Variants in ZC3H6 observed in about 807,000 individuals in gnomAD.
ZC3H6 encodes zinc finger CCCH-type containing 6.
ZC3H6 carries 40 observed loss-of-function variants against 107.7 expected under a neutral mutation model. The ratio of observed to expected loss-of-function variants is 0.37; its 90% CI spans 0.29 to 0.48. The LOEUF (loss-of-function observed/expected upper bound fraction) is 0.48. Ranked by LOEUF, ZC3H6 falls within the 20% of genes least tolerant of loss-of-function variation. The probability of loss-of-function intolerance (pLI) is 0.98; values close to 1 mark genes in which losing one functional copy is unlikely to be tolerated. For missense variants in ZC3H6, 1,267 were observed against 1,410.4 expected, an observed-to-expected ratio of 0.90 and a Z score of 1.63; for synonymous variants, 493 against 487.9, an observed-to-expected ratio of 1.01 and a Z score of -0.14.
At position 112,324,548 on chromosome 2, in the gene ZC3H6, T is replaced by C. The variant is rs1676870107; in HGVS notation, c.1737T>C (p.Pro579=). ...CAGGTTCATCATACCAGCAAAGTCC[T>C]GGTGAAATGCAGCTCAACACCAATT... ...CSPGSSYQQS[P]GEMQLNTNYE... is the part of the protein sequence containing the mutation. Residue 579 remains proline, a synonymous_variant, in exon 10 of 12, where the codon CCT becomes CCC. Coordinates refer to ENST00000409871, the MANE Select transcript of ZC3H6 (RefSeq NM_198581.3). The C allele has an allele frequency of 1.9e-6, 3 of 1,612,452 alleles. No individual in the cohort carries two copies. The African/African-American group carries it at 4.0e-5, about 22-fold the overall frequency.
chr2:112,332,362 A>G lies in ZC3H6; in HGVS notation c.3444A>G (p.Pro1148=). The part of the protein sequence containing the change: ...TGLIRPQYSD[P]RQARQPGQGS... The stretch of plus-strand genomic sequence containing the variant: ...TAATTAGGCCACAGTACAGTGATCC[A>G]AGGCAGGCAAGGCAGCCAGGACAGG... Residue 1148 remains proline (P), a synonymous_variant, in exon 12 of 12, where the codon CCA becomes CCG. Coordinates refer to ENST00000409871, the MANE Select transcript of ZC3H6 (RefSeq NM_198581.3). 1.2e-6 allele frequency: 2 copies of G among 1,613,908 alleles called. No individual in the cohort carries two copies. Among genetic ancestry groups the G allele is most frequent in the Non-Finnish European group, 8.5e-7 (1 of 1,179,882 alleles).
intron 9 of ZC3H6, among the ~76,000 whole-genome samples, chr2:112,323,291 CTGGAT>C (rs1481434189): frequency 6.6e-6 from 1 of 152,160 alleles, no homozygotes; most frequent in Non-Finnish European, 1.5e-5. Context: ...CGGAAGACCT[CTGGAT>C]CCAGATTTTC....
rs775930087 is a variant in ZC3H6 at position 112,311,881 on chromosome 2, G to C, written c.691G>C (p.Gly231Arg). 2 of 1,613,494 alleles carry C rather than the reference G, an allele frequency of 1.2e-6. No homozygotes were observed. The highest frequency in any genetic ancestry group is 1.7e-5 in the Admixed American group (1 of 59,998). ...GAAGAAAATCAAACGAAAAGAACGTGGGGGAAGAACCAATAAAGGGCCTAA... is the reference window on the plus strand; with the variant it reads ...GAAGAAAATCAAACGAAAAGAACGTCGGGGAAGAACCAATAAAGGGCCTAA... ...LPKKIKRKER[G>R]GRTNKGPNVF... is the part of the protein sequence containing the mutation. Residue 231 changes from glycine to arginine, a missense_variant, in exon 5 of 12, where the codon GGG becomes CGG. Coordinates refer to ENST00000409871, the MANE Select transcript of ZC3H6 (RefSeq NM_198581.3).
chr2:112,314,646 A>G (rs902812623), intron 5 of ZC3H6, among the ~76,000 whole-genome samples: 2 of 152,086 alleles, frequency 1.3e-5, no homozygotes, highest in African/African-American at 4.8e-5. Context: ...TGATTTTTGC[A>G]TAATTTACTT....
At position 112,310,101 on chromosome 2, in the gene ZC3H6, T is replaced by C; in HGVS notation, c.553T>C (p.Leu185=). Residue 185 remains leucine, a synonymous_variant, in exon 4 of 12, where the codon TTA becomes CTA. Transcript: ENST00000409871. ...RQAKETSNIA[L]GSSFSKESGK... ...AGCTAAAGAAACCTCAAATATTGCTTTAGGGTCATCATTTTCTAAAGAATC... is the reference window on the plus strand; with the variant it reads ...AGCTAAAGAAACCTCAAATATTGCTCTAGGGTCATCATTTTCTAAAGAATC... 6.2e-7 allele frequency: 1 copy of C among 1,613,534 alleles called. No individual in the cohort carries two copies. The highest frequency in any genetic ancestry group is 8.5e-7 in the Non-Finnish European group (1 of 1,179,700).
chr2:112,330,715 C>G (rs1016624958), intron 11 of ZC3H6, among the ~76,000 whole-genome samples: 17 of 152,164 alleles, frequency 1.1e-4, no homozygotes, highest in Admixed American at 6.5e-4. Context: ...AAGGACATTA[C>G]ACATATTCTA....
In ZC3H6 at chr2:112,275,980, C is replaced by A. The variant is rs1365088032; in HGVS notation, c.-15C>A. The A allele has an allele frequency of 6.5e-7, 1 of 1,534,730 alleles. No individual in the cohort carries two copies. The highest frequency in any genetic ancestry group is 2.6e-5 in the East Asian group (1 of 39,152). On this transcript the variant is annotated 5_prime_UTR_variant, in exon 1 of 12. Coordinates refer to ENST00000409871, the MANE Select transcript of ZC3H6 (RefSeq NM_198581.3). ...GCAGACCTGCCCTCCAGCCCCGCCC[C>A]GTTCTTGACCAAACATGACAGACTC...
Position 112,276,039 on chromosome 2 carries a change from T to C in ZC3H6, c.32+13T>C. ...CAGGGCACGACAGGTCGGGAACCCT[T>C]CTTGTCTGTCTTTCTGTCGGATGAG... On this transcript the variant is annotated intron_variant, in intron 1 of 11. Coordinates refer to ENST00000409871, the MANE Select transcript of ZC3H6 (RefSeq NM_198581.3). 2 of 1,539,880 alleles carry C rather than the reference T, an allele frequency of 1.3e-6. No individual in the cohort carries two copies. Among genetic ancestry groups the C allele is most frequent in the Non-Finnish European group, 8.8e-7 (1 of 1,142,164 alleles).
Position 112,332,317 on chromosome 2 carries a change from T to C in ZC3H6, c.3399T>C (p.Pro1133=), listed in dbSNP as rs193059585. ...KVQVPAVHSL[P]VQALTGLIRP... Reference sequence around the variant, plus strand: ...AGGTCCCAGCAGTGCACAGCCTTCCTGTTCAGGCATTAACAGGCTTAATTA... The same window carrying C: ...AGGTCCCAGCAGTGCACAGCCTTCCCGTTCAGGCATTAACAGGCTTAATTA... Residue 1133 remains proline, a synonymous_variant, in exon 12 of 12, where the codon CCT becomes CCC. Coordinates refer to ENST00000409871, the MANE Select transcript of ZC3H6 (RefSeq NM_198581.3). The C allele has an allele frequency of 2.4e-4, 380 of 1,613,982 alleles. No homozygotes were observed. The highest frequency in any genetic ancestry group is 2.0e-3 in the Middle Eastern group (12 of 6,062).
At chr2:112,290,236 A>T (rs1676085291) in intron 1 of ZC3H6, among the ~76,000 whole-genome samples, 1 of 152,232 alleles carries the variant, frequency 6.6e-6, no homozygotes, top group Admixed American at 6.5e-5. Flanking sequence ...GAAGAAATTC[A>T]CATTTATGAC....
chr2:112,316,069 T>G (rs1379880658), intron 5 of ZC3H6, among the ~76,000 whole-genome samples: 1 of 152,220 alleles, frequency 6.6e-6, no homozygotes, highest in Non-Finnish European at 1.5e-5. Flanking sequence ...GTCTCCCTGA[T>G]AATTCTTTCA....
rs922243529 is a variant in ZC3H6, at chr2:112,311,924, A to T, written c.734A>T (p.Asp245Val). Residue 245 changes from aspartate to valine, a missense_variant, in exon 5 of 12, where the codon GAT becomes GTT. Physicochemically the swap from Asp to Val is radical, Grantham distance 152. Transcript: ENST00000409871. ...NKGPNVFSVS[D>V]DFQEYNKPGK... ...GGGCCTAATGTGTTTTCAGTATCGG[A>T]TGACTTTCAAGAGGTACTAAGAATT... 8.7e-6 allele frequency: 14 copies of T among 1,612,226 alleles called. No individual in the cohort carries two copies. Among genetic ancestry groups the T allele is most frequent in the Non-Finnish European group, 1.1e-5 (13 of 1,179,038 alleles).
At chr2:112,322,215 C>G (rs1429911755) in intron 8 of ZC3H6, among the ~76,000 whole-genome samples, 2 of 148,740 alleles carry the variant, frequency 1.3e-5, no homozygotes, top group Non-Finnish European at 3.0e-5. Context: ...CTCTCTGTCT[C>G]TTTTCTTTTC....
At chr2:112,296,632 A>G (rs1573952073) in intron 1 of ZC3H6, among the ~76,000 whole-genome samples, 1 of 152,204 alleles carries the variant, frequency 6.6e-6, no homozygotes. Context: ...GTCTAAGTGA[A>G]TATTACCTCT....
chr2:112,308,861 G>A (rs1375432640), intron 3 of ZC3H6, among the ~76,000 whole-genome samples: 1 of 151,654 alleles, frequency 6.6e-6, no homozygotes, highest in Non-Finnish European at 1.5e-5. Flanking sequence ...AGACCAGCCT[G>A]GCCAACATAG....
chr2:112,311,952 T>C lies in ZC3H6; in HGVS notation c.747+15T>C, dbSNP rs188772271. On this transcript the variant is annotated intron_variant, in intron 5 of 11. Coordinates refer to ENST00000409871, the MANE Select transcript of ZC3H6 (RefSeq NM_198581.3). ...ACTTTCAAGAGGTACTAAGAATTTA[T>C]GTATAAGGAGGGGAGGAGCTTTTTC... is the stretch of plus-strand genomic sequence containing the variant. The C allele has an allele frequency of 9.4e-5, 150 of 1,593,534 alleles. 2 individuals are homozygous for C. The African/African-American group carries it at 1.4e-3, about 15-fold the overall frequency.
At chr2:112,284,472 C>A (rs1686574259) in intron 1 of ZC3H6, among the ~76,000 whole-genome samples, 1 of 150,942 alleles carries the variant, frequency 6.6e-6, no homozygotes, top group South Asian at 2.1e-4. Flanking sequence ...GAAATGTTAT[C>A]CCTGAAGTTA....
chr2:112,303,596 G>A (rs1271974745), intron 3 of ZC3H6, among the ~76,000 whole-genome samples: 2 of 151,970 alleles, frequency 1.3e-5, no homozygotes, highest in African/African-American at 4.8e-5. Flanking sequence ...TGTTTCTATG[G>A]ATTTGCCTAT....
rs913103364 is a variant in ZC3H6 at position 112,333,400 on chromosome 2, G to A, written c.*912G>A. ...TTATTACACGGATAATGTTTTAAAT[G>A]TCTAGGTTCTGTATTTTTTTCTTAA... On this transcript the variant is annotated 3_prime_UTR_variant, in exon 12 of 12. Coordinates refer to ENST00000409871, the MANE Select transcript of ZC3H6 (RefSeq NM_198581.3). 4 of 152,490 alleles carry A rather than the reference G, an allele frequency of 2.6e-5. No individual in the cohort carries two copies. Among genetic ancestry groups the A allele is most frequent in the African/African-American group, 9.7e-5 (4 of 41,418 alleles). The allele number at this position is 152,490 out of a possible 1,614,324, so 9.4% of individuals were successfully genotyped here.
Sources: allele counts gnomAD v4.1 joint callset (sites outside exome capture counted in the v4.1 genomes callset), GRCh38; gene constraint gnomAD v4.1.1; transcripts MANE v1.5; gene names NCBI Gene and HGNC (gene_info 2026-07-23, HGNC 2026-07-21).